Variants in CANX observed in about 807,000 individuals in gnomAD.
The protein encoded by CANX is epididymis secretory sperm binding protein.
A neutral mutation model predicts 75.7 loss-of-function variants in CANX; 14 were observed. The ratio of observed to expected loss-of-function variants is 0.19; its 90% confidence interval spans 0.12 to 0.29. The LOEUF is 0.29. CANX is among the 10% of genes least tolerant of loss of function. CANX has a pLI of 1.00. For missense variants in CANX, 567 were observed against 713.2 expected (o/e 0.79, Z 2.34); for synonymous variants, 227 against 236.9 (o/e 0.96, Z 0.38).
chr5:179,698,589 C>T (rs146225762), upstream of CANX: 5,018 of 1,289,264 alleles, frequency 3.9e-3, 13 homozygotes, highest in Non-Finnish European at 4.8e-3. Flanking sequence ...AGTCTCGGCT[C>T]CAGGAACCAG....
rs1778996344 is a variant in CANX at position 179,731,591 on chromosome 5, T to C, written c.*2947T>C. 6.6e-6 allele frequency among the ~76,000 whole-genome samples: 1 copy of C among 152,190 alleles called. No homozygotes were observed. The highest frequency in any genetic ancestry group is 2.4e-5 in the African/African-American group (1 of 41,454). On this transcript the variant is annotated 3_prime_UTR_variant, in exon 15 of 15. Transcript: ENST00000247461. Reference sequence around the variant, plus strand: ...TGCGTTTGTATGAAGACATATTTGATTGTTGTTTTCTCTTGATTTTAAAAT... The same window carrying C: ...TGCGTTTGTATGAAGACATATTTGACTGTTGTTTTCTCTTGATTTTAAAAT...
intron 13 of CANX, among the ~76,000 whole-genome samples, chr5:179,725,861 G>A (rs867825131): frequency 2.0e-5 from 3 of 150,652 alleles, no homozygotes; most frequent in Middle Eastern, 3.4e-3. Flanking sequence ...GGTGGCGGGC[G>A]CCTGTAGTCC....
intron 7 of CANX, among the ~76,000 whole-genome samples, chr5:179,715,271 C>T (rs1777858936): frequency 1.3e-5 from 2 of 152,120 alleles, no homozygotes; most frequent in South Asian, 4.1e-4. Context: ...GTGGCTCACA[C>T]CTGTAGTCTT....
Position 179,714,225 on chromosome 5 carries a change from T to G in CANX, c.722-1880T>G, listed in dbSNP as rs191258796. Among the ~76,000 whole-genome samples, 5 of 152,330 alleles carry G rather than the reference T, an allele frequency of 3.3e-5. No homozygotes were observed. In the East Asian group the frequency reaches 7.7e-4, roughly 24 times the overall value. On this transcript the variant is annotated intron_variant, in intron 7 of 14. Transcript: ENST00000247461. ...CATGTTGGTCAGGCTGGTCTCGAAC[T>G]CCCAACCTCAAATGATGGGCCTGCC...
chr5:179,690,606 A>T (rs1017368161), intron 1 of CANX, among the ~76,000 whole-genome samples: 1 of 150,108 alleles, frequency 6.7e-6, no homozygotes, highest in African/African-American at 2.5e-5. Context: ...AAAATCTGAA[A>T]AAAGGCTGGG....
Position 179,699,099 on chromosome 5 carries a change from A to T in CANX, c.-7A>T, listed in dbSNP as rs1205960288. 9.4e-7 allele frequency: 1 copy of T among 1,065,984 alleles called. No individual in the cohort carries two copies. 66.0% of individuals were successfully genotyped at this position (1,065,984 alleles called of 1,614,324 possible). On this transcript the variant is annotated 5_prime_UTR_variant, in exon 1 of 15. Coordinates refer to ENST00000247461, the MANE Select transcript of CANX (RefSeq NM_001746.4). ...GCACCCCCGCGGTCCCCGGGAGGCT[A>T]GAGGTGAGAGGGGAGACCTGAGCGC...
chr5:179,701,256 G>C lies in CANX; in HGVS notation c.-4+2154G>C, dbSNP rs546312162. ...GGTTCCTCACCTTTAGGGGGCAATT[G>C]GGAGGGGCAGATAAAATGGTGAACA... On this transcript the variant is annotated intron_variant, in intron 1 of 14. Transcript: ENST00000247461. 4.6e-5 allele frequency among the ~76,000 whole-genome samples: 7 copies of C among 152,232 alleles called. No homozygotes were observed. The East Asian group carries it at 1.2e-3, about 25-fold the overall frequency.
At chr5:179,713,133 G>A (rs1367548825) in intron 7 of CANX, among the ~76,000 whole-genome samples, 2 of 151,868 alleles carry the variant, frequency 1.3e-5, no homozygotes, top group Non-Finnish European at 2.9e-5. Flanking sequence ...CCAGGCTGGA[G>A]TGCAGTGGCG....
chr5:179,692,561 G>T (rs569522131), intron 1 of CANX, among the ~76,000 whole-genome samples: 2 of 152,192 alleles, frequency 1.3e-5, no homozygotes, highest in Non-Finnish European at 1.5e-5. Context: ...GTCTTGCTCT[G>T]TTGCCCAGGC....
intron 1 of CANX, among the ~76,000 whole-genome samples, chr5:179,692,954 G>C (rs994546478): frequency 3.3e-5 from 5 of 152,018 alleles, no homozygotes; most frequent in African/African-American, 1.2e-4. Context: ...AGACCAGCCT[G>C]GCCAAGAAGG....
chr5:179,710,707 CA>C lies in CANX; in HGVS notation c.721+658del, dbSNP rs71591440. Among the ~76,000 whole-genome samples the C allele has an allele frequency of 2.6e-3, 71 of 27,370 alleles. 6 individuals carry two copies. The highest frequency in any genetic ancestry group is 0.016 in the East Asian group (12 of 754). The allele number at this position is 27,370 out of a possible 152,430, so 18.0% of individuals were successfully genotyped here. Reference sequence around the variant, plus strand: ...TAGGAGACAGAGCAAGACTCCATCTCAAAAAAAAAAAAAAAAGATTGTATAT... The same window carrying C: ...TAGGAGACAGAGCAAGACTCCATCTCAAAAAAAAAAAAAAAGATTGTATAT... On this transcript the variant is annotated intron_variant, in intron 7 of 14. Coordinates refer to ENST00000247461, the MANE Select transcript of CANX (RefSeq NM_001746.4).
At chr5:179,716,031 C>A in intron 7 of CANX, 74 bp from the exon 8 acceptor site, 1 of 1,100,362 alleles carries the variant, frequency 9.1e-7, no homozygotes, top group South Asian at 1.3e-5. Flanking sequence ...CGTTAGAAGT[C>A]ATGATCTTTT....
chr5:179,679,022 C>T, intron 1 of CANX: 1 of 1,535,262 alleles, frequency 6.5e-7, no homozygotes, highest in Non-Finnish European at 8.7e-7. Flanking sequence ...GGAGGGCATG[C>T]GGCGCAGTGG....
chr5:179,719,004 C>G (rs1248433483), intron 8 of CANX, among the ~76,000 whole-genome samples: 2 of 151,444 alleles, frequency 1.3e-5, no homozygotes, highest in Non-Finnish European at 2.9e-5. Flanking sequence ...TGGGTTTCAC[C>G]TTGTTGCCCA....
At chr5:179,680,564 A>G (rs1387154590) in intron 1 of CANX, among the ~76,000 whole-genome samples, 1 of 152,132 alleles carries the variant, frequency 6.6e-6, no homozygotes, top group East Asian at 1.9e-4. Flanking sequence ...CATAGGGCTC[A>G]AAGTATCAGG....
intron 14 of CANX, among the ~76,000 whole-genome samples, chr5:179,727,414 C>G (rs1778734047): frequency 6.6e-6 from 1 of 152,158 alleles, no homozygotes; most frequent in South Asian, 2.1e-4. Flanking sequence ...TGACATCGAA[C>G]CAAACACTTG....
chr5:179,717,343 G>T (rs767190585), intron 8 of CANX, among the ~76,000 whole-genome samples: 21 of 152,052 alleles, frequency 1.4e-4, no homozygotes, highest in African/African-American at 5.1e-4. Context: ...ACCTAAGAAG[G>T]CCCCTGTACC....
At chr5:179,724,179 C>G (rs184848846) in intron 12 of CANX, among the ~76,000 whole-genome samples, 2 of 152,100 alleles carry the variant, frequency 1.3e-5, no homozygotes, top group African/African-American at 4.8e-5. Context: ...ACCTTCCCCA[C>G]TCTCAAAACA....
chr5:179,710,042 A>C lies in CANX; in HGVS notation c.698A>C (p.Lys233Thr). ...DADLKTYFTD[K>T]KTHLYTLILN... is the part of the protein sequence containing the mutation. ...GATCTGAAGACCTATTTTACTGATAAGAAAACACATCTTTACACACTAAGT... is the reference window on the plus strand; with the variant it reads ...GATCTGAAGACCTATTTTACTGATACGAAAACACATCTTTACACACTAAGT... The change falls in exon 7 of 15, where the codon AAG becomes ACG. Residue 233 changes from lysine (K) to threonine (T), a missense_variant. Physicochemically the swap from Lys to Thr is moderately conservative, Grantham distance 78 (BLOSUM62 -1). Coordinates refer to ENST00000247461, the MANE Select transcript of CANX (RefSeq NM_001746.4). 6.2e-7 allele frequency: 1 copy of C among 1,603,620 alleles called. No homozygotes were observed. The highest frequency in any genetic ancestry group is 8.5e-7 in the Non-Finnish European group (1 of 1,172,576).
Sources: allele counts gnomAD v4.1 joint callset (sites outside exome capture counted in the v4.1 genomes callset), GRCh38; gene constraint gnomAD v4.1.1; transcripts MANE v1.5; gene names NCBI Gene and HGNC (gene_info 2026-07-23, HGNC 2026-07-21).